TMEFF2: variants seen among roughly 807,000 people sequenced by gnomAD.
TMEFF2 encodes transmembrane protein with EGF like and two follistatin like domains 2, also known as tomoregulin-2.
A neutral mutation model predicts 53.8 loss-of-function variants in TMEFF2; 28 were observed. That is an observed-to-expected ratio of 0.52 (90% confidence interval 0.39 to 0.71). TMEFF2 has a LOEUF of 0.71. TMEFF2 is among the 30% of genes least tolerant of loss of function. The pLI is 0.00. For missense variants in TMEFF2, 353 were observed against 455.2 expected (o/e 0.78, Z 2.04); for synonymous variants, 162 against 166.3 (o/e 0.97, Z 0.20).
intron 4 of TMEFF2, among the ~76,000 whole-genome samples, chr2:192,098,607 A>G (rs150224228): frequency 1.6e-3 from 246 of 152,324 alleles, no homozygotes; most frequent in African/African-American, 5.8e-3. Context: ...GGCAGAAGCC[A>G]TCTGCTGCTC....
chr2:192,026,815 G>T (rs1258892679), intron 5 of TMEFF2, among the ~76,000 whole-genome samples: 2 of 152,192 alleles, frequency 1.3e-5, no homozygotes, highest in Non-Finnish European at 2.9e-5. Flanking sequence ...AAAATGCTTA[G>T]ATCTACAAAG....
chr2:192,194,608 C>T lies in TMEFF2; in HGVS notation c.-84G>A. 1 of 1,511,536 alleles carries T rather than the reference C, an allele frequency of 6.6e-7. No individual in the cohort carries two copies. The highest frequency in any genetic ancestry group is 9.0e-7 in the Non-Finnish European group (1 of 1,113,632). The allele number at this position is 1,511,536 out of a possible 1,614,324, so 93.6% of individuals were successfully genotyped here. On this transcript the variant is annotated 5_prime_UTR_variant, in exon 1 of 10. Transcript: ENST00000272771. This position sits in a 1 kb window ranked among gnomAD's most constrained non-coding sequence, Gnocchi z 4.2. ...GGCCGGGCAGCGGGCTACTGAGCAT[C>T]CCGCGGACGGCGGCAGCAGAGGCGG...
At chr2:191,982,566 A>G (rs1278657131) in intron 7 of TMEFF2, among the ~76,000 whole-genome samples, 3 of 151,994 alleles carry the variant, frequency 2.0e-5, no homozygotes, top group Non-Finnish European at 4.4e-5. Context: ...ATTACATTAG[A>G]TGTAAAATAC....
At chr2:191,974,840 GT>G (rs994765599) in intron 7 of TMEFF2, among the ~76,000 whole-genome samples, 3 of 152,052 alleles carry the variant, frequency 2.0e-5, no homozygotes, top group African/African-American at 7.2e-5. Context: ...TTGGCCAGTG[GT>G]TAATGGTGCA....
chr2:192,109,028 G>T (rs1467728492), intron 4 of TMEFF2, among the ~76,000 whole-genome samples: 1 of 151,984 alleles, frequency 6.6e-6, no homozygotes, highest in Non-Finnish European at 1.5e-5. Context: ...GTTACTAGTA[G>T]AAAGTTATTG....
In TMEFF2 at chr2:191,949,302, A is replaced by G. The variant is rs1691793786; in HGVS notation, c.*1009T>C. On this transcript the variant is annotated 3_prime_UTR_variant, in exon 10 of 10. Transcript: ENST00000272771. ...ACCTCACCACATAAATATGCTCAAA[A>G]CATCTCTCTGTTTTCATGAAATATC... 3 of 985,372 alleles carry G rather than the reference A, an allele frequency of 3.0e-6. No homozygotes were observed. The South Asian group carries it at 1.4e-4, about 46-fold the overall frequency. The allele number at this position is 985,372 out of a possible 1,614,324, so 61.0% of individuals were successfully genotyped here.
intron 7 of TMEFF2, among the ~76,000 whole-genome samples, chr2:191,990,866 A>G (rs557013107): frequency 1.3e-5 from 2 of 152,058 alleles, no homozygotes; most frequent in South Asian, 4.1e-4. Flanking sequence ...ATTTCCATAT[A>G]CTACATTCCT....
At chr2:192,031,669 C>A (rs1687141199) in intron 5 of TMEFF2, 2 of 152,276 alleles carry the variant, frequency 1.3e-5, no homozygotes, top group African/African-American at 4.8e-5. Flanking sequence ...TTAGGTAACT[C>A]AACTAAGGTC....
rs199801206 is a variant in TMEFF2 at position 192,164,184 on chromosome 2, A to G, written c.439+15484T>C. Among the ~76,000 whole-genome samples the G allele has an allele frequency of 2.6e-5, 4 of 151,864 alleles. No homozygotes were observed. The East Asian group carries it at 7.8e-4, about 30-fold the overall frequency. ...ATGAATAAATTCCAAATTCCTTACC[A>G]CTTCCCTACTCTCCTCTTCTACCAC... On this transcript the variant is annotated intron_variant, in intron 4 of 9. Coordinates refer to ENST00000272771, the MANE Select transcript of TMEFF2 (RefSeq NM_016192.4).
intron 5 of TMEFF2, among the ~76,000 whole-genome samples, chr2:192,007,941 C>T (rs150642558): frequency 2.5e-3 from 379 of 152,280 alleles, no homozygotes; most frequent in Non-Finnish European, 4.8e-3. Flanking sequence ...TCCTGCTCTA[C>T]TCTTTCCTGC....
At chr2:192,173,699 A>G (rs1690969659) in intron 4 of TMEFF2, among the ~76,000 whole-genome samples, 1 of 151,770 alleles carries the variant, frequency 6.6e-6, no homozygotes, top group Non-Finnish European at 1.5e-5. Flanking sequence ...GGATGCATTT[A>G]TCTTCTATTA....
intron 4 of TMEFF2, among the ~76,000 whole-genome samples, chr2:192,132,871 C>T (rs895092962): frequency 8.5e-5 from 13 of 152,176 alleles, no homozygotes; most frequent in Non-Finnish European, 1.2e-4. Context: ...GACTCCTTCT[C>T]GGCTTAGTGG....
intron 4 of TMEFF2, among the ~76,000 whole-genome samples, chr2:192,102,626 CTTTTTT>C (rs10635775): frequency 9.1e-6 from 1 of 109,844 alleles, no homozygotes; most frequent in Non-Finnish European, 1.7e-5. Flanking sequence ...TTTTCTTGTT[CTTTTTT>C]TTTTTTTTTT....
intron 5 of TMEFF2, among the ~76,000 whole-genome samples, chr2:192,057,288 T>A (rs1225493181): frequency 6.6e-6 from 1 of 152,130 alleles, no homozygotes; most frequent in Non-Finnish European, 1.5e-5. Flanking sequence ...CCTCAAGCGA[T>A]CCTCCTGCCT....
intron 4 of TMEFF2, among the ~76,000 whole-genome samples, chr2:192,092,786 T>G (rs1474940609): frequency 6.6e-6 from 1 of 151,930 alleles, no homozygotes; most frequent in Non-Finnish European, 1.5e-5. Flanking sequence ...GAAAAGGCAT[T>G]GGGATGAAGG....
intron 4 of TMEFF2, among the ~76,000 whole-genome samples, chr2:192,154,616 C>G (rs1015911623): frequency 2.0e-5 from 3 of 151,952 alleles, no homozygotes; most frequent in Non-Finnish European, 4.4e-5. Context: ...AGTAGCATCT[C>G]TTTTTAATAA....
At chr2:192,041,612 G>A (rs906356981) in intron 5 of TMEFF2, among the ~76,000 whole-genome samples, 6 of 152,114 alleles carry the variant, frequency 3.9e-5, no homozygotes, top group African/African-American at 1.4e-4. Context: ...CCACTCCTAT[G>A]TATATACCCG....
chr2:191,993,915 A>G (rs1686164309), intron 7 of TMEFF2, among the ~76,000 whole-genome samples: 1 of 152,074 alleles, frequency 6.6e-6, no homozygotes, highest in Non-Finnish European at 1.5e-5. Context: ...TAGTTCCTTT[A>G]TAATTTAGCA....
At chr2:192,013,213 C>T (rs191532473) in intron 5 of TMEFF2, among the ~76,000 whole-genome samples, 18 of 152,276 alleles carry the variant, frequency 1.2e-4, no homozygotes, top group Non-Finnish European at 2.4e-4. Flanking sequence ...CTACCTATGC[C>T]ATTTTATTTC....
Sources: allele counts gnomAD v4.1 joint callset (sites outside exome capture counted in the v4.1 genomes callset), GRCh38; gene constraint gnomAD v4.1.1; non-coding constraint Gnocchi (gnomAD v3.1); transcripts MANE v1.5; gene names NCBI Gene and HGNC (gene_info 2026-07-23, HGNC 2026-07-21).